Variants in SULF1 observed in about 807,000 individuals in gnomAD.
SULF1 encodes the protein extracellular sulfatase Sulf-1.
Under a neutral mutation model 110.5 loss-of-function variants are expected in SULF1, and 46 were observed. The ratio of observed to expected loss-of-function variants is 0.42; its 90% CI spans 0.33 to 0.53. The LOEUF (loss-of-function observed/expected upper bound fraction) is 0.53. Ranked by LOEUF, SULF1 falls within the 20% of genes least tolerant of loss-of-function variation. SULF1 has a pLI of 0.12. For missense variants in SULF1, 941 were observed against 1,094.2 expected (o/e 0.86, Z 1.98); for synonymous variants, 371 against 387.1 (o/e 0.96, Z 0.49).
At chr8:69,622,271 GAT>G (rs1809675249) in intron 14 of SULF1, among the ~76,000 whole-genome samples, 1 of 152,094 alleles carries the variant, frequency 6.6e-6, no homozygotes, top group South Asian at 2.1e-4. Context: ...CTCACACAAA[GAT>G]ATCAAATTTC....
chr8:69,613,808 G>A (rs1024513539), intron 13 of SULF1, among the ~76,000 whole-genome samples: 3 of 152,032 alleles, frequency 2.0e-5, no homozygotes, highest in Non-Finnish European at 4.4e-5. Context: ...GGTTCATATA[G>A]TACATCTTTT....
chr8:69,530,341 A>G (rs1813000003), intron 3 of SULF1, among the ~76,000 whole-genome samples: 1 of 152,192 alleles, frequency 6.6e-6, no homozygotes, highest in African/African-American at 2.4e-5. Flanking sequence ...TTAGATGCCT[A>G]CTGATGGATA....
chr8:69,484,012 A>G (rs1013096379), intron 1 of SULF1, among the ~76,000 whole-genome samples: 3 of 152,156 alleles, frequency 2.0e-5, no homozygotes, highest in Admixed American at 6.6e-5. Context: ...CAAGCAAGGA[A>G]ATAGGCTCTG....
At chr8:69,563,826 T>C (rs1815677777) in intron 4 of SULF1, 90 bp from the exon 5 acceptor site, 1 of 727,342 alleles carries the variant, frequency 1.4e-6, no homozygotes, top group Admixed American at 2.7e-5. Flanking sequence ...GTGCCAATAC[T>C]GACTTATTTG....
chr8:69,531,713 A>T (rs942689470), intron 3 of SULF1, among the ~76,000 whole-genome samples: 2 of 152,206 alleles, frequency 1.3e-5, no homozygotes, highest in African/African-American at 4.8e-5. Flanking sequence ...TAATTTCACC[A>T]CAGAAGTATT....
intron 1 of SULF1, among the ~76,000 whole-genome samples, chr8:69,494,724 A>G (rs1034079955): frequency 1.3e-5 from 2 of 152,136 alleles, no homozygotes; most frequent in African/African-American, 4.8e-5. Context: ...AGTTTGGTCA[A>G]ACTGAATTAA....
At chr8:69,631,146 G>C (rs746529553) in intron 19 of SULF1, among the ~76,000 whole-genome samples, 2 of 152,182 alleles carry the variant, frequency 1.3e-5, no homozygotes, top group South Asian at 2.1e-4. Context: ...CAGGCAGAGG[G>C]AACAGTGCAA....
At chr8:69,493,452 CACACACACACACA>C (rs1810080781) in intron 1 of SULF1, among the ~76,000 whole-genome samples, 2 of 22,534 alleles carry the variant, frequency 8.9e-5, no homozygotes, top group Non-Finnish European at 1.7e-4. Context: ...CAACACTACA[CACACACACACACA>C]CACACACACA....
chr8:69,576,317 G>T (rs1805607752), intron 6 of SULF1, 108 bp downstream of exon 6: 3 of 1,354,726 alleles, frequency 2.2e-6, no homozygotes, highest in African/African-American at 2.9e-5. Flanking sequence ...CCTAAAAAAG[G>T]ATCAAGTGTT....
At chr8:69,477,391 A>G (rs1475498712) in intron 1 of SULF1, among the ~76,000 whole-genome samples, 2 of 152,196 alleles carry the variant, frequency 1.3e-5, no homozygotes, top group Non-Finnish European at 2.9e-5. Context: ...GTAGTCTCAG[A>G]AGTGAAATTA....
intron 3 of SULF1, chr8:69,563,062 G>A (rs532196775): frequency 6.6e-6 from 1 of 152,360 alleles, no homozygotes; most frequent in Admixed American, 6.5e-5. Flanking sequence ...AGACTCTCCG[G>A]GGTAGAGAAT....
At chr8:69,592,259 AAGC>A (rs1376468696) in intron 8 of SULF1, among the ~76,000 whole-genome samples, 2 of 152,180 alleles carry the variant, frequency 1.3e-5, no homozygotes, top group Admixed American at 1.3e-4. Flanking sequence ...GCTACAAAGA[AAGC>A]AGCACTAAGG....
chr8:69,527,052 C>T (rs146100947), intron 3 of SULF1, among the ~76,000 whole-genome samples: 141 of 152,222 alleles, frequency 9.3e-4, no homozygotes, highest in African/African-American at 3.2e-3. Context: ...TCGGTGTGAA[C>T]AGTTCTTGTT....
At chr8:69,575,499 T>A (rs1289242709) in intron 5 of SULF1, among the ~76,000 whole-genome samples, 1 of 152,150 alleles carries the variant, frequency 6.6e-6, no homozygotes, top group Non-Finnish European at 1.5e-5. Flanking sequence ...GGACTTAATA[T>A]GGAAGAAATT....
chr8:69,656,275 A>G (rs1812722390), intron 22 of SULF1, among the ~76,000 whole-genome samples: 1 of 152,102 alleles, frequency 6.6e-6, no homozygotes, highest in South Asian at 2.1e-4. Context: ...GGTTTTTTAA[A>G]TTCTTGTTTT....
intron 3 of SULF1, among the ~76,000 whole-genome samples, chr8:69,526,412 T>C (rs1289969470): frequency 6.6e-6 from 1 of 152,140 alleles, no homozygotes; most frequent in Non-Finnish European, 1.5e-5. Context: ...CTTTTTATTT[T>C]ATTAGTCAAT....
intron 13 of SULF1, among the ~76,000 whole-genome samples, chr8:69,605,776 G>A (rs1018889699): frequency 2.0e-5 from 3 of 152,178 alleles, no homozygotes; most frequent in Admixed American, 6.5e-5. Flanking sequence ...AACACATAGT[G>A]AGCATTTGTC....
intron 8 of SULF1, among the ~76,000 whole-genome samples, chr8:69,595,622 G>C (rs1370617375): frequency 6.6e-6 from 1 of 152,074 alleles, no homozygotes; most frequent in African/African-American, 2.4e-5. Context: ...TGTATCACTG[G>C]CTTATTCTGG....
intron 1 of SULF1, among the ~76,000 whole-genome samples, chr8:69,485,654 C>T (rs561480787): frequency 1.4e-4 from 22 of 152,204 alleles, no homozygotes; most frequent in East Asian, 3.9e-4. Flanking sequence ...CCTCTGCAGT[C>T]GGCTTGTGTC....
Sources: gnomAD v4.1 joint callset for allele counts (sites outside exome capture counted in the v4.1 genomes callset) on GRCh38, gnomAD v4.1.1 for gene constraint, MANE v1.5 for transcripts, NCBI Gene and HGNC (gene_info 2026-07-23, HGNC 2026-07-21) for gene names.